The following TCERG1L variants were observed in gnomAD, a reference collection of about 807,000 sequenced individuals.
The protein encoded by TCERG1L is transcription elongation regulator 1-like protein.
TCERG1L carries 37 observed loss-of-function variants against 56.3 expected under a neutral mutation model. The observed-to-expected ratio is 0.66, with a 90% CI of 0.51 to 0.87. TCERG1L has a LOEUF of 0.87. TCERG1L is among the 40% of genes least tolerant of loss of function. TCERG1L has a pLI of 0.00. For missense variants in TCERG1L, 799 were observed against 774.2 expected (o/e 1.03, Z -0.38); for synonymous variants, 324 against 326.3 (o/e 0.99, Z 0.08).
chr10:131,196,864 G>A (rs935733648), intron 4 of TCERG1L, among the ~76,000 whole-genome samples: 1 of 152,232 alleles, frequency 6.6e-6, no homozygotes, highest in African/African-American at 2.4e-5. Context: ...TTGCATTGTT[G>A]ATCTCAGCTC....
intron 4 of TCERG1L, among the ~76,000 whole-genome samples, chr10:131,252,828 G>A (rs186461360): frequency 2.8e-4 from 42 of 152,094 alleles, no homozygotes; most frequent in Non-Finnish European, 5.0e-4. Context: ...ACAGCAACAT[G>A]ATCTGCACAG....
chr10:131,200,728 T>C (rs1253869292), intron 4 of TCERG1L, among the ~76,000 whole-genome samples: 1 of 152,220 alleles, frequency 6.6e-6, no homozygotes, highest in Non-Finnish European at 1.5e-5. Context: ...ATGGAATGAA[T>C]GTATTTTGCG....
chr10:131,166,931 A>G (rs1187597751), intron 4 of TCERG1L, 46 bp from the exon 5 acceptor site: 9 of 1,560,142 alleles, frequency 5.8e-6, no homozygotes, highest in Non-Finnish European at 7.8e-6. Flanking sequence ...TTGTCACAGT[A>G]GTTTGGAAAA....
intron 4 of TCERG1L, among the ~76,000 whole-genome samples, chr10:131,253,301 G>A (rs1309966175): frequency 6.6e-6 from 1 of 152,182 alleles, no homozygotes; most frequent in African/African-American, 2.4e-5. Context: ...CTCGGAAAAG[G>A]ATTGCTGAGT....
intron 11 of TCERG1L, 90 bp downstream of exon 11, chr10:131,098,216 A>G: frequency 7.3e-7 from 1 of 1,372,646 alleles, no homozygotes; most frequent in Non-Finnish European, 9.9e-7. Flanking sequence ...GCTGGGTTAC[A>G]CGATTTAACA....
intron 3 of TCERG1L, among the ~76,000 whole-genome samples, chr10:131,292,463 T>C (rs1846639155): frequency 6.6e-6 from 1 of 152,230 alleles, no homozygotes; most frequent in Admixed American, 6.5e-5. Context: ...CTTTGTAGGA[T>C]TTGTATAGCT....
intron 3 of TCERG1L, among the ~76,000 whole-genome samples, chr10:131,294,735 T>C (rs1368911095): frequency 6.6e-6 from 1 of 152,210 alleles, no homozygotes; most frequent in Non-Finnish European, 1.5e-5. Context: ...AAATACTAAA[T>C]ACATAGTCGG....
chr10:131,224,117 CT>C (rs1845765572), intron 4 of TCERG1L, among the ~76,000 whole-genome samples: 1 of 152,132 alleles, frequency 6.6e-6, no homozygotes. Flanking sequence ...TCCTTTCCCC[CT>C]GACCCATCCT....
chr10:131,093,420 C>T, intron 11 of TCERG1L, 102 bp from the exon 12 acceptor site: 1 of 1,410,000 alleles, frequency 7.1e-7, no homozygotes, highest in Non-Finnish European at 9.6e-7. Flanking sequence ...AGCCCTTCCA[C>T]CAGGCCTGGC....
intron 3 of TCERG1L, among the ~76,000 whole-genome samples, chr10:131,300,050 G>A (rs960125156): frequency 3.3e-5 from 5 of 151,926 alleles, no homozygotes; most frequent in South Asian, 2.1e-4. Context: ...AAGCTTCTTC[G>A]TAATTTCATG....
chr10:131,179,157 T>TGA (rs1206076279), intron 4 of TCERG1L, among the ~76,000 whole-genome samples: 5 of 151,978 alleles, frequency 3.3e-5, no homozygotes, highest in Admixed American at 3.3e-4. Flanking sequence ...GATCAGGAGG[T>TGA]GAGCAGCACT....
At chr10:131,108,566 C>G (rs559704220) in intron 9 of TCERG1L, among the ~76,000 whole-genome samples, 1 of 152,190 alleles carries the variant, frequency 6.6e-6, no homozygotes, top group Non-Finnish European at 1.5e-5. Context: ...CTCACACAGG[C>G]GGCTGACCAG....
intron 3 of TCERG1L, among the ~76,000 whole-genome samples, chr10:131,290,457 C>T (rs1308673240): frequency 6.6e-6 from 1 of 151,976 alleles, no homozygotes; most frequent in Non-Finnish European, 1.5e-5. Context: ...CATGGAGAAA[C>T]CCCTTCTCTA....
At chr10:131,126,889 G>A (rs531802261) in intron 8 of TCERG1L, among the ~76,000 whole-genome samples, 6 of 152,326 alleles carry the variant, frequency 3.9e-5, no homozygotes, top group East Asian at 3.9e-4. Flanking sequence ...AACTCTGGAC[G>A]GGGCCAGACA....
intron 4 of TCERG1L, among the ~76,000 whole-genome samples, chr10:131,208,706 G>A (rs1278340189): frequency 6.6e-6 from 1 of 152,184 alleles, no homozygotes; most frequent in South Asian, 2.1e-4. Context: ...TCTCCGTGCT[G>A]ACCCCAGAAG....
chr10:131,163,585 T>C (rs953482537), intron 5 of TCERG1L, among the ~76,000 whole-genome samples: 6 of 151,856 alleles, frequency 4.0e-5, no homozygotes, highest in Non-Finnish European at 8.8e-5. Context: ...TGGGAGTCAC[T>C]GTGCCATGAA....
At chr10:131,126,627 G>A (rs1306337724) in intron 8 of TCERG1L, among the ~76,000 whole-genome samples, 1 of 152,152 alleles carries the variant, frequency 6.6e-6, no homozygotes, top group African/African-American at 2.4e-5. Flanking sequence ...CTTCAGTGCC[G>A]GCTGCCAGGC....
chr10:131,274,579 C>T (rs865926252), intron 3 of TCERG1L, among the ~76,000 whole-genome samples: 1 of 152,148 alleles, frequency 6.6e-6, no homozygotes, highest in African/African-American at 2.4e-5. Context: ...TCTTTCACTC[C>T]GGTTGTTTCG....
chr10:131,176,665 T>C (rs7088037), intron 4 of TCERG1L, among the ~76,000 whole-genome samples: 20 of 46,490 alleles, frequency 4.3e-4, no homozygotes, highest in African/African-American at 1.8e-3. Context: ...CACACAGAGA[T>C]ACATGTACAC....
Sources: allele counts gnomAD v4.1 joint callset (sites outside exome capture counted in the v4.1 genomes callset), GRCh38; gene constraint gnomAD v4.1.1; transcripts MANE v1.5; gene names NCBI Gene and HGNC (gene_info 2026-07-23, HGNC 2026-07-21).